Variants in SFXN1 observed in about 807,000 individuals in gnomAD.
SFXN1 encodes sideroflexin-1.
SFXN1 carries 32 observed loss-of-function variants against 39.5 expected under a neutral mutation model. The ratio of observed to expected loss-of-function variants is 0.81; its 90% CI spans 0.61 to 1.09. SFXN1 has a LOEUF of 1.09. Ranked by LOEUF, SFXN1 falls within the 50% of genes least tolerant of loss-of-function variation. SFXN1 has a pLI of 0.00. For missense variants in SFXN1, 402 were observed against 407.1 expected (o/e 0.99, Z 0.11); for synonymous variants, 136 against 146.5 (o/e 0.93, Z 0.52).
intron 1 of SFXN1, among the ~76,000 whole-genome samples, chr5:175,488,843 G>A (rs1343726378): frequency 6.6e-6 from 1 of 152,198 alleles, no homozygotes; most frequent in Non-Finnish European, 1.5e-5. Flanking sequence ...CCCTGCTCAT[G>A]ATCCTTCTTA....
Position 175,511,864 on chromosome 5 carries a change from C to CTCTCTCTCT in SFXN1, c.511-247_511-246insTCTCTCTCT, listed in dbSNP as rs33977399. ...GCATCTCTCTCTCTCTCTCTCTCTC[C>CTCTCTCTCT]CCACTCCAAAGCCCATACTCCTGCA... On this transcript the variant is annotated intron_variant, in intron 5 of 10. Transcript: ENST00000321442. 1.4e-3 allele frequency among the ~76,000 whole-genome samples: 184 copies of CTCTCTCTCT among 130,198 alleles called. 2 individuals carry two copies. The highest frequency in any genetic ancestry group is 0.011 in the East Asian group (53 of 4,826). The allele number at this position is 130,198 out of a possible 152,430, so 85.4% of individuals were successfully genotyped here. A position where few individuals can be genotyped will look rare whatever the true frequency, so the allele number is the denominator to read the frequency against.
At chr5:175,523,377 A>G (rs992847503) in intron 10 of SFXN1, 1 of 152,182 alleles carries the variant, frequency 6.6e-6, no homozygotes, top group African/African-American at 2.4e-5. Flanking sequence ...CAGTGGGATA[A>G]TGATACCTGC....
chr5:175,506,990 A>G (rs1282590459), intron 2 of SFXN1, among the ~76,000 whole-genome samples: 1 of 152,096 alleles, frequency 6.6e-6, no homozygotes, highest in African/African-American at 2.4e-5. Flanking sequence ...CTGCCATAAC[A>G]AATTGCCACC....
chr5:175,499,833 A>C (rs934683681), intron 2 of SFXN1, among the ~76,000 whole-genome samples: 6 of 152,220 alleles, frequency 3.9e-5, no homozygotes, highest in African/African-American at 1.4e-4. Flanking sequence ...AAAAAAGACA[A>C]AGATAGGAAA....
chr5:175,508,300 A>G (rs1760387461), intron 2 of SFXN1, among the ~76,000 whole-genome samples: 1 of 132,566 alleles, frequency 7.5e-6, no homozygotes, highest in Non-Finnish European at 1.5e-5. Context: ...ATGACTGCTC[A>G]CTGCAGCCTC....
intron 1 of SFXN1, chr5:175,491,457 T>C (rs541814525): frequency 6.6e-6 from 1 of 151,814 alleles, no homozygotes; most frequent in Non-Finnish European, 1.5e-5. Context: ...ACCTTGTTAC[T>C]GTTTTTATTT....
Position 175,521,937 on chromosome 5 carries a change from G to C in SFXN1, c.793G>C (p.Ala265Pro), listed in dbSNP as rs762785906. Residue 265 changes from alanine to proline, a missense_variant, in exon 9 of 11, where the codon GCA becomes CCA. By Grantham distance (27) the Ala-to-Pro change is conservative. Transcript: ENST00000321442. ...AFLKRFPWMS[A>P]PIQVGLVGFC... Reference sequence around the variant, plus strand: ...AACACAGAGGTTCCCATGGATGAGTGCACCCATTCAAGTTGGGTTAGTTGG... The same window carrying C: ...AACACAGAGGTTCCCATGGATGAGTCCACCCATTCAAGTTGGGTTAGTTGG... The C allele has an allele frequency of 7.5e-6, 12 of 1,602,848 alleles. No individual in the cohort carries two copies. In the East Asian group the frequency reaches 2.5e-4, roughly 33 times the overall value.
At chr5:175,512,790 C>T (rs1760567109) in intron 6 of SFXN1, among the ~76,000 whole-genome samples, 1 of 152,162 alleles carries the variant, frequency 6.6e-6, no homozygotes, top group Admixed American at 6.5e-5. Context: ...TCCATGTCAG[C>T]ATATTAAGTT....
intron 2 of SFXN1, among the ~76,000 whole-genome samples, chr5:175,496,313 T>G (rs540460361): frequency 6.6e-6 from 1 of 151,602 alleles, no homozygotes; most frequent in Non-Finnish European, 1.5e-5. Context: ...GGCAGAGGTT[T>G]CAGTGAGCCG....
At chr5:175,519,283 T>C (rs1033490839) in intron 8 of SFXN1, among the ~76,000 whole-genome samples, 3 of 152,102 alleles carry the variant, frequency 2.0e-5, no homozygotes, top group Admixed American at 6.5e-5. Flanking sequence ...TGTGAGAAAA[T>C]AGTGAGGCAG....
intron 1 of SFXN1, among the ~76,000 whole-genome samples, chr5:175,479,037 G>A (rs1039489608): frequency 6.6e-6 from 1 of 152,220 alleles, no homozygotes; most frequent in Non-Finnish European, 1.5e-5. Flanking sequence ...GTGGCCCAGT[G>A]CCTGGCCCAG....
At chr5:175,499,456 G>C (rs981090069) in intron 2 of SFXN1, among the ~76,000 whole-genome samples, 3 of 152,078 alleles carry the variant, frequency 2.0e-5, no homozygotes, top group African/African-American at 7.2e-5. Context: ...ACCCGGAAAG[G>C]GCAATACCCA....
intron 1 of SFXN1, among the ~76,000 whole-genome samples, chr5:175,486,754 G>A (rs1437376026): frequency 6.6e-6 from 1 of 152,066 alleles, no homozygotes; most frequent in African/African-American, 2.4e-5. Context: ...CTCCAGCCTG[G>A]GTGACAGAGT....
At position 175,527,443 on chromosome 5, in the gene SFXN1, T is replaced by G. The variant is rs528266063; in HGVS notation, c.*709T>G. The G allele has an allele frequency of 2.6e-5, 4 of 152,378 alleles. No individual in the cohort carries two copies. The East Asian group carries it at 5.8e-4, about 22-fold the overall frequency. The allele number at this position is 152,378 out of a possible 1,614,324, so 9.4% of individuals were successfully genotyped here. ...TTTTTTGTTCTTATAAAGATGATAATCTTACCTTGCAGTTATTGACTTTAT... is the reference window on the plus strand; with the variant it reads ...TTTTTTGTTCTTATAAAGATGATAAGCTTACCTTGCAGTTATTGACTTTAT... On this transcript the variant is annotated 3_prime_UTR_variant, in exon 11 of 11. Transcript: ENST00000321442.
chr5:175,504,054 G>A lies in SFXN1; in HGVS notation c.165-4978G>A, dbSNP rs184055012. Among the ~76,000 whole-genome samples, 614 of 149,854 alleles carry A rather than the reference G, an allele frequency of 4.1e-3. 3 individuals are homozygous for A. The highest frequency in any genetic ancestry group is 4.6e-3 in the Non-Finnish European group (309 of 67,460). On this transcript the variant is annotated intron_variant, in intron 2 of 10. Coordinates refer to ENST00000321442, the MANE Select transcript of SFXN1 (RefSeq NM_022754.7). Reference sequence around the variant, plus strand: ...ATGGAATACTTAAAGAAAGAAAAGAGGGGGGTGGGGGAAGGGAGAGAGGGA... The same window carrying A: ...ATGGAATACTTAAAGAAAGAAAAGAAGGGGGTGGGGGAAGGGAGAGAGGGA...
chr5:175,492,079 T>C lies in SFXN1; in HGVS notation c.-9-16T>C, dbSNP rs1459246747. ...TTGTAAGCCTTACACGAACTTGCCTTTTTGACTCTTTGCAGTCCGGGACCA... is the reference window on the plus strand; with the variant it reads ...TTGTAAGCCTTACACGAACTTGCCTCTTTGACTCTTTGCAGTCCGGGACCA... On this transcript the variant is annotated splice_polypyrimidine_tract_variant and intron_variant, in intron 1 of 10. Transcript: ENST00000321442. The C allele has an allele frequency of 1.3e-6, 2 of 1,591,902 alleles. No homozygotes were observed. The highest frequency in any genetic ancestry group is 1.7e-6 in the Non-Finnish European group (2 of 1,171,300).
At chr5:175,513,707 G>A (rs1760616766) in intron 7 of SFXN1, 117 bp downstream of exon 7, 1 of 1,097,974 alleles carries the variant, frequency 9.1e-7, no homozygotes, top group Non-Finnish European at 1.3e-6. Flanking sequence ...CCTTCCACTG[G>A]GGGTGGCAGA....
At chr5:175,483,938 C>T (rs549587009) in intron 1 of SFXN1, 2 of 152,388 alleles carry the variant, frequency 1.3e-5, no homozygotes, top group East Asian at 1.9e-4. Context: ...TGAACCCACA[C>T]ACTCTGGAAC....
intron 8 of SFXN1, among the ~76,000 whole-genome samples, chr5:175,521,560 C>T (rs556269980): frequency 1.8e-4 from 28 of 152,330 alleles, no homozygotes; most frequent in Non-Finnish European, 3.4e-4. Context: ...AACCAGAAGG[C>T]GGGAGACTTG....
Sources: allele counts gnomAD v4.1 joint callset (sites outside exome capture counted in the v4.1 genomes callset), GRCh38; gene constraint gnomAD v4.1.1; transcripts MANE v1.5; gene names NCBI Gene and HGNC (gene_info 2026-07-23, HGNC 2026-07-21).